Variants in STK32A observed in about 807,000 individuals in gnomAD.
STK32A encodes serine/threonine-protein kinase 32A.
STK32A carries 41 observed loss-of-function variants against 53.2 expected under a neutral mutation model. That is an observed-to-expected ratio of 0.77 (90% CI 0.60 to 1.00). The LOEUF is 1.00. STK32A is among the 50% of genes least tolerant of loss of function. The pLI, the probability that STK32A is intolerant of heterozygous loss-of-function variation, is 0.00. For missense variants in STK32A, 458 were observed against 485.8 expected, an observed-to-expected ratio of 0.94 and a Z score of 0.54; for synonymous variants, 166 against 162.8, an observed-to-expected ratio of 1.02 and a Z score of -0.15.
intron 4 of STK32A, among the ~76,000 whole-genome samples, chr5:147,308,243 T>C (rs1344815852): frequency 1.3e-5 from 2 of 152,016 alleles, no homozygotes; most frequent in Non-Finnish European, 2.9e-5. Flanking sequence ...TCTTTGGTTT[T>C]AGTTTTTCAT....
intron 4 of STK32A, among the ~76,000 whole-genome samples, chr5:147,299,069 G>T (rs1214320690): frequency 1.3e-5 from 2 of 152,228 alleles, no homozygotes; most frequent in East Asian, 1.9e-4. Context: ...GGGCAAGTTT[G>T]CAGAGTAAGG....
chr5:147,383,655 T>C, intron 12 of STK32A, 150 bp downstream of exon 12: 1 of 855,186 alleles, frequency 1.2e-6, no homozygotes, highest in Admixed American at 3.4e-5. Context: ...GTAGAAACCT[T>C]TTTTGTAAGG....
At chr5:147,362,217 G>A (rs1014479279) in intron 8 of STK32A, among the ~76,000 whole-genome samples, 5 of 152,170 alleles carry the variant, frequency 3.3e-5, no homozygotes, top group Non-Finnish European at 7.3e-5. Flanking sequence ...ACACTCCTTA[G>A]GTTATATCTC....
intron 5 of STK32A, among the ~76,000 whole-genome samples, chr5:147,330,327 C>T (rs1754805194): frequency 6.6e-6 from 1 of 152,106 alleles, no homozygotes; most frequent in African/African-American, 2.4e-5. Context: ...AGTAAGTTGG[C>T]TAGAAAGAAA....
At chr5:147,328,000 G>C (rs1030134467) in intron 5 of STK32A, among the ~76,000 whole-genome samples, 1 of 152,120 alleles carries the variant, frequency 6.6e-6, no homozygotes, top group South Asian at 2.1e-4. Context: ...GTGTGGAGTC[G>C]CAAAATAAGT....
intron 2 of STK32A, among the ~76,000 whole-genome samples, chr5:147,270,851 A>G (rs1053059329): frequency 2.6e-5 from 4 of 152,214 alleles, no homozygotes; most frequent in African/African-American, 9.6e-5. Flanking sequence ...TATTTGATGC[A>G]ACATCTTTGA....
intron 4 of STK32A, among the ~76,000 whole-genome samples, chr5:147,284,873 C>T (rs978449872): frequency 5.3e-5 from 8 of 152,036 alleles, no homozygotes; most frequent in African/African-American, 9.7e-5. Context: ...AATAACCATA[C>T]TGCCAAAAGC....
At chr5:147,257,966 T>C (rs1018630287) in intron 2 of STK32A, among the ~76,000 whole-genome samples, 1 of 152,004 alleles carries the variant, frequency 6.6e-6, no homozygotes, top group African/African-American at 2.4e-5. Context: ...TTATTAGATT[T>C]TAGACCAAAG....
At chr5:147,288,359 T>A (rs1752441439) in intron 4 of STK32A, among the ~76,000 whole-genome samples, 1 of 152,246 alleles carries the variant, frequency 6.6e-6, no homozygotes, top group Admixed American at 6.5e-5. Context: ...ATATATTCAA[T>A]GTAAGTTTAT....
At chr5:147,283,029 A>G (rs2151956856) in intron 4 of STK32A, among the ~76,000 whole-genome samples, 1 of 152,366 alleles carries the variant, frequency 6.6e-6, no homozygotes, top group African/African-American at 2.4e-5. Flanking sequence ...TCTCCAAGAT[A>G]GACCATATGA....
At chr5:147,343,109 C>T in intron 6 of STK32A, 66 bp downstream of exon 6, 1 of 1,527,486 alleles carries the variant, frequency 6.5e-7, no homozygotes, top group Admixed American at 1.7e-5. Context: ...TTGTTCCCAG[C>T]AGAGGGGTAT....
chr5:147,361,717 T>G, intron 8 of STK32A, 103 bp downstream of exon 8: 1 of 847,006 alleles, frequency 1.2e-6, no homozygotes, highest in Non-Finnish European at 1.9e-6. Context: ...ACTTGAAAGC[T>G]GAAATCAGCT....
intron 2 of STK32A, among the ~76,000 whole-genome samples, chr5:147,256,339 A>C (rs1298732074): frequency 6.6e-6 from 1 of 152,174 alleles, no homozygotes; most frequent in Non-Finnish European, 1.5e-5. Flanking sequence ...TTATTACTCC[A>C]GGCTGTAGAA....
intron 2 of STK32A, among the ~76,000 whole-genome samples, chr5:147,241,309 T>TCTA (rs1368174759): frequency 2.0e-5 from 3 of 152,178 alleles, no homozygotes; most frequent in African/African-American, 7.2e-5. Flanking sequence ...AAACCCCGTC[T>TCTA]CTACTAAAAA....
At chr5:147,255,129 C>T (rs1754174057) in intron 2 of STK32A, among the ~76,000 whole-genome samples, 2 of 152,092 alleles carry the variant, frequency 1.3e-5, no homozygotes, top group South Asian at 4.1e-4. Context: ...GACAGAGACT[C>T]CACCTCAAAA....
At chr5:147,351,551 AAAAAGAACC>A (rs934509859) in intron 7 of STK32A, among the ~76,000 whole-genome samples, 28 of 152,186 alleles carry the variant, frequency 1.8e-4, no homozygotes, top group Non-Finnish European at 2.9e-4. Flanking sequence ...TTTATAAAAA[AAAAAGAACC>A]AAACAAGGCC....
chr5:147,252,131 A>G (rs1234676464), intron 2 of STK32A, among the ~76,000 whole-genome samples: 1 of 152,134 alleles, frequency 6.6e-6, no homozygotes, highest in Non-Finnish European at 1.5e-5. Flanking sequence ...TGGGCAACAG[A>G]GCAAGACCCT....
chr5:147,370,548 G>A, intron 8 of STK32A, 106 bp from the exon 9 acceptor site: 1 of 662,884 alleles, frequency 1.5e-6, no homozygotes, highest in Non-Finnish European at 2.6e-6. Flanking sequence ...GTTAGAAATT[G>A]ATATAGATAT....
chr5:147,345,995 C>A (rs10077515), intron 6 of STK32A, among the ~76,000 whole-genome samples: 33,721 of 152,110 alleles, frequency 0.22, 5,017 homozygotes, highest in African/African-American at 0.42. Flanking sequence ...CCTTAGGGAT[C>A]TCTTTCTGGA....
Sources: gnomAD v4.1 joint callset for allele counts (sites outside exome capture counted in the v4.1 genomes callset) on GRCh38, gnomAD v4.1.1 for gene constraint, MANE v1.5 for transcripts, NCBI Gene and HGNC (gene_info 2026-07-23, HGNC 2026-07-21) for gene names.